GLDC: variants seen among roughly 807,000 people sequenced by gnomAD.
The protein encoded by GLDC is glycine decarboxylase.
Under a neutral mutation model 121.3 loss-of-function variants are expected in GLDC, and 104 were observed. The observed-to-expected ratio is 0.86, with a 90% confidence interval of 0.73 to 1.01. GLDC has a LOEUF of 1.01. Among genes scored for constraint, GLDC ranks in the 50% least tolerant of loss-of-function variants. GLDC has a pLI of 0.00. For missense variants in GLDC, 1,429 were observed against 1,306.6 expected (o/e 1.09, Z -1.44); for synonymous variants, 546 against 480.6 (o/e 1.14, Z -1.78).
At chr9:6,594,187 A>T (rs1277533534) in intron 9 of GLDC, among the ~76,000 whole-genome samples, 1 of 152,072 alleles carries the variant, frequency 6.6e-6, no homozygotes. Flanking sequence ...TTATTGCTTT[A>T]TTTTGTATCT....
At chr9:6,600,016 A>C (rs1446239592) in intron 8 of GLDC, among the ~76,000 whole-genome samples, 2 of 152,026 alleles carry the variant, frequency 1.3e-5, no homozygotes, top group Admixed American at 6.6e-5. Context: ...ACGAAAGAGC[A>C]CTCTACCTCC....
At chr9:6,612,531 G>C (rs895369381) in intron 3 of GLDC, among the ~76,000 whole-genome samples, 1 of 152,020 alleles carries the variant, frequency 6.6e-6, no homozygotes, top group African/African-American at 2.4e-5. Context: ...CCTGGAATTC[G>C]AGACTAGCCT....
intron 16 of GLDC, among the ~76,000 whole-genome samples, chr9:6,560,264 G>T (rs1817724691): frequency 6.6e-6 from 1 of 152,124 alleles, no homozygotes; most frequent in Admixed American, 6.5e-5. Flanking sequence ...TTGAAAATAG[G>T]CTATGAAGTT....
chr9:6,641,959 T>G (rs1276616335), intron 2 of GLDC, among the ~76,000 whole-genome samples: 1 of 152,196 alleles, frequency 6.6e-6, no homozygotes, highest in Non-Finnish European at 1.5e-5. Flanking sequence ...ATGGAAATGC[T>G]ACTACCAGAG....
chr9:6,592,260 T>C (rs961729790), intron 10 of GLDC, 37 bp from the exon 11 acceptor site: 2 of 1,236,642 alleles, frequency 1.6e-6, no homozygotes, highest in Non-Finnish European at 2.4e-6. Context: ...ACATCAACTC[T>C]AAACTCCACA....
intron 6 of GLDC, 112 bp downstream of exon 6, chr9:6,605,018 AT>A: frequency 9.0e-7 from 1 of 1,115,042 alleles, no homozygotes; most frequent in Non-Finnish European, 1.4e-6. Context: ...TTACCATTCC[AT>A]GTGATAATGG....
chr9:6,641,716 C>G (rs139382201), intron 2 of GLDC, among the ~76,000 whole-genome samples: 4 of 152,144 alleles, frequency 2.6e-5, no homozygotes, highest in Non-Finnish European at 5.9e-5. Flanking sequence ...ATGGTAAGCA[C>G]TACATAAATG....
At chr9:6,550,743 T>C in intron 21 of GLDC, 60 bp downstream of exon 21, 1 of 1,038,940 alleles carries the variant, frequency 9.6e-7, no homozygotes, top group Non-Finnish European at 1.5e-6. Context: ...CGCATCTAGG[T>C]CAAACTTAGT....
At position 6,605,268 on chromosome 9, in the gene GLDC, C is replaced by T. The variant is rs1818706775; in HGVS notation, c.724G>A (p.Val242Ile). ...VVQTRAKYTGVLTELKLPCEM... is the reference protein window; with the variant it reads ...VVQTRAKYTGILTELKLPCEM... ...CAGGGTAACTTCAGCTCAGTGAGGA[C>T]TCCAGTATATCTGGAAAGACAGACA... Residue 242 changes from valine to isoleucine, a missense_variant, in exon 6 of 25, where the codon GTC becomes ATC. Coordinates refer to ENST00000321612, the MANE Select transcript of GLDC (RefSeq NM_000170.3). The T allele has an allele frequency of 1.2e-6, 2 of 1,613,948 alleles. No homozygotes were observed. Among genetic ancestry groups the T allele is most frequent in the Non-Finnish European group, 1.7e-6 (2 of 1,179,818 alleles).
intron 19 of GLDC, among the ~76,000 whole-genome samples, chr9:6,554,265 T>G (rs1433778829): frequency 6.6e-6 from 1 of 151,988 alleles, no homozygotes; most frequent in Non-Finnish European, 1.5e-5. Flanking sequence ...ACCTTACATC[T>G]AATTCACTTT....
intron 2 of GLDC, among the ~76,000 whole-genome samples, chr9:6,629,931 A>ATATATATATATGTG (rs1563870135): frequency 3.8e-4 from 31 of 82,456 alleles, no homozygotes; most frequent in Middle Eastern, 5.0e-3. Flanking sequence ...GCTTTTCACT[A>ATATATATATATGTG]TATATATATA....
At chr9:6,638,632 T>C (rs1472385156) in intron 2 of GLDC, among the ~76,000 whole-genome samples, 6 of 149,644 alleles carry the variant, frequency 4.0e-5, no homozygotes, top group African/African-American at 1.5e-4. Flanking sequence ...TCATGGCACC[T>C]AGAACTTTTT....
chr9:6,643,194 A>C (rs1297469571), intron 2 of GLDC, among the ~76,000 whole-genome samples: 1 of 151,970 alleles, frequency 6.6e-6, no homozygotes, highest in African/African-American at 2.4e-5. Flanking sequence ...CACCGTGCCC[A>C]GCCAGGATTC....
intron 3 of GLDC, among the ~76,000 whole-genome samples, chr9:6,612,209 AAAC>A (rs1818872048): frequency 6.8e-6 from 1 of 147,438 alleles, no homozygotes; most frequent in African/African-American, 2.6e-5. Context: ...ACACACACAC[AAAC>A]ACACACTCTC....
In GLDC at chr9:6,541,599, A is replaced by C. The variant is rs553519961; in HGVS notation, c.2570-1453T>G. ...GCACGTTGGGAGGCTGAGGCAGGCA[A>C]ATCACTTGAGGTCAGGAGTTCAAAA... On this transcript the variant is annotated intron_variant, in intron 21 of 24. Transcript: ENST00000321612. 3 of 151,590 alleles carry C rather than the reference A, an allele frequency of 2.0e-5. No homozygotes were observed. In the South Asian group the frequency reaches 6.3e-4, roughly 32 times the overall value. The allele number at this position is 151,590 out of a possible 1,614,324, so 9.4% of individuals were successfully genotyped here.
At chr9:6,573,396 C>T (rs770174619) in intron 15 of GLDC, among the ~76,000 whole-genome samples, 1 of 152,046 alleles carries the variant, frequency 6.6e-6, no homozygotes, top group Non-Finnish European at 1.5e-5. Flanking sequence ...GGCAGGCAGA[C>T]GTTGCAGTGA....
At chr9:6,540,484 A>G (rs1817233150) in intron 21 of GLDC, 1 of 342,144 alleles carries the variant, frequency 2.9e-6, no homozygotes, top group East Asian at 7.1e-5. Context: ...CGGACATAAA[A>G]TCTACTTGCA....
At chr9:6,561,052 C>A (rs369934221) in intron 16 of GLDC, among the ~76,000 whole-genome samples, 1 of 152,176 alleles carries the variant, frequency 6.6e-6, no homozygotes, top group Non-Finnish European at 1.5e-5. Flanking sequence ...CCTGTCTCCC[C>A]CAGAAGGAAT....
chr9:6,535,876 T>G, intron 23 of GLDC, 188 bp downstream of exon 23: 4 of 626,798 alleles, frequency 6.4e-6, no homozygotes, highest in Non-Finnish European at 8.7e-6. Flanking sequence ...ACATCATCCT[T>G]GAGTAACTGC....
Sources: gnomAD v4.1 joint callset for allele counts (sites outside exome capture counted in the v4.1 genomes callset) on GRCh38, gnomAD v4.1.1 for gene constraint, MANE v1.5 for transcripts, NCBI Gene and HGNC (gene_info 2026-07-23, HGNC 2026-07-21) for gene names.